SLC7A14: variants seen among roughly 807,000 people sequenced by gnomAD.
The protein encoded by SLC7A14 is gamma-aminobutyric acid transporter SLC7A14.
Under a neutral mutation model 60.2 loss-of-function variants are expected in SLC7A14, and 37 were observed. The ratio of observed to expected loss-of-function variants is 0.61; its 90% CI spans 0.47 to 0.81. The LOEUF (loss-of-function observed/expected upper bound fraction) is 0.81. Among genes scored for constraint, SLC7A14 ranks in the 30% least tolerant of loss-of-function variants. The pLI, the probability that SLC7A14 is intolerant of heterozygous loss-of-function variation, is 0.00. For synonymous variants in SLC7A14, 399 were observed against 395.8 expected (o/e 1.01, Z -0.10); for missense variants, 886 against 982.7 (o/e 0.90, Z 1.32).
At chr3:170,570,902 G>A (rs1301595686) in intron 1 of SLC7A14, among the ~76,000 whole-genome samples, 1 of 151,938 alleles carries the variant, frequency 6.6e-6, no homozygotes, top group African/African-American at 2.4e-5. Context: ...GATAAATTGT[G>A]TAGTGGTGAG....
At chr3:170,496,472 G>A in intron 4 of SLC7A14, 1 of 1,331,232 alleles carries the variant, frequency 7.5e-7, no homozygotes, top group Non-Finnish European at 1.1e-6. Context: ...TGGCCGTTAA[G>A]GATGCCAGCG....
chr3:170,579,647 T>G lies in SLC7A14; in HGVS notation c.-153+6264A>C, dbSNP rs567462874. ...AAGCCTTATTATTCCTGGAAAAGGA[T>G]AATATTCTGTAAACCATCAGACTGC... On this transcript the variant is annotated intron_variant, in intron 1 of 7. Transcript: ENST00000231706. 1.6e-4 allele frequency among the ~76,000 whole-genome samples: 25 copies of G among 152,354 alleles called. 1 individual carries two copies. Among genetic ancestry groups the G allele is most frequent in the Middle Eastern group, 3.4e-3 (1 of 294 alleles).
At chr3:170,525,023 TATG>T (rs1417763375) in intron 2 of SLC7A14, among the ~76,000 whole-genome samples, 1 of 152,266 alleles carries the variant, frequency 6.6e-6, no homozygotes, top group Non-Finnish European at 1.5e-5. Context: ...ATTCTACACG[TATG>T]ATATTAATGT....
chr3:170,479,164 C>T (rs1036655678), intron 7 of SLC7A14, among the ~76,000 whole-genome samples: 1 of 151,768 alleles, frequency 6.6e-6, no homozygotes, highest in East Asian at 1.9e-4. Flanking sequence ...ACAACAACAA[C>T]AACAACAACA....
At chr3:170,495,092 T>C (rs1198370416) in intron 4 of SLC7A14, among the ~76,000 whole-genome samples, 1 of 152,226 alleles carries the variant, frequency 6.6e-6, no homozygotes, top group Admixed American at 6.5e-5. Flanking sequence ...TGCCAGGAAC[T>C]TAACAGGTAG....
At chr3:170,572,169 A>G (rs1714977207) in intron 1 of SLC7A14, among the ~76,000 whole-genome samples, 1 of 152,224 alleles carries the variant, frequency 6.6e-6, no homozygotes, top group Non-Finnish European at 1.5e-5. Context: ...AAGGCAATGA[A>G]GATAGACCTG....
At chr3:170,538,807 T>A (rs949282699) in intron 1 of SLC7A14, among the ~76,000 whole-genome samples, 2 of 152,180 alleles carry the variant, frequency 1.3e-5, no homozygotes, top group Non-Finnish European at 2.9e-5. Context: ...TACAAGGAAG[T>A]CTCCCCACTG....
At chr3:170,570,706 A>G (rs1304221496) in intron 1 of SLC7A14, among the ~76,000 whole-genome samples, 2 of 152,184 alleles carry the variant, frequency 1.3e-5, no homozygotes, top group Non-Finnish European at 2.9e-5. Context: ...CATTGTGGGG[A>G]ATGAGATGCA....
intron 2 of SLC7A14, among the ~76,000 whole-genome samples, chr3:170,508,515 T>C (rs1712859248): frequency 6.6e-6 from 1 of 152,228 alleles, no homozygotes; most frequent in African/African-American, 2.4e-5. Context: ...ATGAGGTCAG[T>C]GATTTCTCAT....
At chr3:170,533,242 C>G (rs1192477080) in intron 1 of SLC7A14, among the ~76,000 whole-genome samples, 1 of 152,194 alleles carries the variant, frequency 6.6e-6, no homozygotes, top group Non-Finnish European at 1.5e-5. Context: ...TGCATGTCAG[C>G]CACTCTGACT....
rs564862294 is a variant in SLC7A14 at position 170,573,520 on chromosome 3, G to C, written c.-153+12391C>G. On this transcript the variant is annotated intron_variant, in intron 1 of 7. Transcript: ENST00000231706. ...ATTAGGCCCAGGAGTTCAAAGATTT[G>C]GTAAGGGGCTTTGGACAAGATGTCA... is the stretch of plus-strand genomic sequence containing the variant. Among the ~76,000 whole-genome samples, 13 of 152,320 alleles carry C rather than the reference G, an allele frequency of 8.5e-5. No homozygotes were observed. In the South Asian group the frequency reaches 2.7e-3, roughly 32 times the overall value.
intron 3 of SLC7A14, among the ~76,000 whole-genome samples, chr3:170,499,546 A>G (rs1712537927): frequency 6.6e-6 from 1 of 152,154 alleles, no homozygotes; most frequent in South Asian, 2.1e-4. Flanking sequence ...AATTGTTTTT[A>G]GCTTCATTAT....
At chr3:170,525,536 C>T (rs778226644) in intron 2 of SLC7A14, among the ~76,000 whole-genome samples, 2 of 152,168 alleles carry the variant, frequency 1.3e-5, no homozygotes, top group African/African-American at 2.4e-5. Flanking sequence ...GGCTCGATGC[C>T]AGTTTGAGGT....
chr3:170,580,886 G>C (rs1360346570), intron 1 of SLC7A14, among the ~76,000 whole-genome samples: 1 of 152,156 alleles, frequency 6.6e-6, no homozygotes, highest in Non-Finnish European at 1.5e-5. Context: ...TAATCTTTGT[G>C]TTATAAGAGA....
chr3:170,481,055 C>T lies in SLC7A14; in HGVS notation c.1227G>A (p.Glu409=). The change falls in exon 7 of 8, where the codon GAG becomes GAA. Residue 409 remains glutamate, a synonymous_variant. Coordinates refer to ENST00000231706, the MANE Select transcript of SLC7A14 (RefSeq NM_020949.3). ...CCAGGAGCGTGCCGATAGACATCAT[C>T]TCTATCAGGTCTCTCAAGCTGACCA... ...ALLVSLRDLI[E]MMSIGTLLAY... 6.2e-7 allele frequency: 1 copy of T among 1,614,086 alleles called. No homozygotes were observed. Among genetic ancestry groups the T allele is most frequent in the South Asian group, 1.1e-5 (1 of 91,074 alleles).
intron 2 of SLC7A14, among the ~76,000 whole-genome samples, chr3:170,521,021 A>G (rs867716159): frequency 2.0e-5 from 3 of 152,316 alleles, no homozygotes; most frequent in African/African-American, 4.8e-5. Context: ...AGTTTATACA[A>G]TCTGCAATAT....
At chr3:170,474,323 G>C (rs1711550776) in intron 7 of SLC7A14, among the ~76,000 whole-genome samples, 1 of 152,174 alleles carries the variant, frequency 6.6e-6, no homozygotes, top group African/African-American at 2.4e-5. Flanking sequence ...GATCACAGGA[G>C]AGCCAGTGTC....
rs576632401 is a variant in SLC7A14, at chr3:170,552,839, T to C, written c.-152-25751A>G. 9.8e-5 allele frequency among the ~76,000 whole-genome samples: 15 copies of C among 152,378 alleles called. 1 individual carries two copies. The highest frequency in any genetic ancestry group is 1.3e-4 in the Non-Finnish European group (9 of 68,028). Reference sequence around the variant, plus strand: ...CTTGAAAGCTTTCGATGACTCTTTATGGTCTGTAATATGAAGTTCAAACTT... The same window carrying C: ...CTTGAAAGCTTTCGATGACTCTTTACGGTCTGTAATATGAAGTTCAAACTT... On this transcript the variant is annotated intron_variant, in intron 1 of 7. Coordinates refer to ENST00000231706, the MANE Select transcript of SLC7A14 (RefSeq NM_020949.3).
At chr3:170,582,164 G>C (rs1211620149) in intron 1 of SLC7A14, among the ~76,000 whole-genome samples, 2 of 152,136 alleles carry the variant, frequency 1.3e-5, no homozygotes, top group Admixed American at 1.3e-4. Context: ...TTGGGCTACT[G>C]GTGATGTATT....
Sources: gnomAD v4.1 joint callset for allele counts (sites outside exome capture counted in the v4.1 genomes callset) on GRCh38, gnomAD v4.1.1 for gene constraint, MANE v1.5 for transcripts, NCBI Gene and HGNC (gene_info 2026-07-23, HGNC 2026-07-21) for gene names.